TIMM21: variants seen among roughly 807,000 people sequenced by gnomAD.
TIMM21 encodes mitochondrial import inner membrane translocase subunit Tim21.
TIMM21 carries 30 observed loss-of-function variants against 27.7 expected under a neutral mutation model. The ratio of observed to expected loss-of-function variants is 1.08; its 90% CI spans 0.81 to 1.47. The LOEUF (loss-of-function observed/expected upper bound fraction) is 1.47, where lower values mean the gene tolerates loss of function less well. TIMM21 is among the 40% of genes most tolerant of loss of function. The pLI is 0.00. For synonymous variants in TIMM21, 121 were observed against 114.4 expected (o/e 1.06, Z -0.37); for missense variants, 292 against 302.9 (o/e 0.96, Z 0.27).
At position 74,151,937 on chromosome 18, in the gene TIMM21, T is replaced by TCCCCCC. The variant is rs535525190; in HGVS notation, c.301+2835_301+2840dup. On this transcript the variant is annotated intron_variant, in intron 1 of 5. Transcript: ENST00000169551. ...CCTTAAGAAGCAGTGGTGTCTATGT[T>TCCCCCC]CCCCCCCCCCCCGGGGGGACCTCCA... Among the ~76,000 whole-genome samples the TCCCCCC allele has an allele frequency of 2.8e-4, 26 of 94,284 alleles. 5 individuals carry two copies. Among genetic ancestry groups the TCCCCCC allele is most frequent in the African/African-American group, 1.4e-3 (23 of 16,872 alleles). The allele number at this position is 94,284 out of a possible 152,430, so 61.9% of individuals were successfully genotyped here.
rs1568192826 is a variant in TIMM21, at chr18:74,158,467, C to G, written c.734C>G (p.Ser245Cys). Residue 245 changes from serine to cysteine, a missense_variant, in exon 6 of 6, where the codon TCC (serine) becomes TGC (cysteine). By Grantham distance (112) the Ser-to-Cys change is moderately radical (BLOSUM62 -1). Coordinates refer to ENST00000169551, the MANE Select transcript of TIMM21 (RefSeq NM_014177.3). ...ACTATTATCATTGAAGATAATCGAT[C>G]CCAAGATGATTAAAATAGGGTTTCT... ...RRTIIIEDNR[S>C]QDD 1 of 1,505,914 alleles carries G rather than the reference C, an allele frequency of 6.6e-7. No homozygotes were observed. The highest frequency in any genetic ancestry group is 1.9e-5 in the Admixed American group (1 of 52,826). 93.3% of individuals were successfully genotyped at this position (1,505,914 alleles called of 1,614,324 possible). A position where few individuals can be genotyped will look rare whatever the true frequency, so the allele number is the denominator to read the frequency against.
In TIMM21 at chr18:74,158,798, A is replaced by G. The variant is rs542805899; in HGVS notation, c.*318A>G. On this transcript the variant is annotated 3_prime_UTR_variant, in exon 6 of 6. Coordinates refer to ENST00000169551, the MANE Select transcript of TIMM21 (RefSeq NM_014177.3). ...GGAAATAGATTTTAGTATTGTATTC[A>G]TTTTATATTATAGAACTGCATAATG... 4 of 263,230 alleles carry G rather than the reference A, an allele frequency of 1.5e-5. No individual in the cohort carries two copies. The highest frequency in any genetic ancestry group is 1.0e-4 in the Admixed American group (2 of 19,184). 16.3% of individuals were successfully genotyped at this position (263,230 alleles called of 1,614,324 possible).
chr18:74,157,391 CTG>C (rs1162019930), intron 3 of TIMM21: 3 of 152,324 alleles, frequency 2.0e-5, no homozygotes, highest in African/African-American at 2.4e-5. Context: ...CATCTGAACT[CTG>C]TGTTGTTATG....
chr18:74,158,700 A>ATAT lies in TIMM21; in HGVS notation c.*222_*224dup. 2.3e-6 allele frequency: 1 copy of ATAT among 436,972 alleles called. No homozygotes were observed. Among genetic ancestry groups the ATAT allele is most frequent in the Non-Finnish European group, 4.1e-6 (1 of 243,718 alleles). The allele number at this position is 436,972 out of a possible 1,614,324, so 27.1% of individuals were successfully genotyped here. ...TTCTCCCATTGACTCAATCATGACA[A>ATAT]TATTTCTGCTTTAACACCATCTTTC... On this transcript the variant is annotated 3_prime_UTR_variant, in exon 6 of 6. Coordinates refer to ENST00000169551, the MANE Select transcript of TIMM21 (RefSeq NM_014177.3).
At chr18:74,150,796 G>C (rs1004171119) in intron 1 of TIMM21, among the ~76,000 whole-genome samples, 1 of 152,166 alleles carries the variant, frequency 6.6e-6, no homozygotes, top group South Asian at 2.1e-4. Flanking sequence ...ACAAGGGACC[G>C]TGATGGGGAT....
chr18:74,150,903 C>T (rs76884109), intron 1 of TIMM21, among the ~76,000 whole-genome samples: 7,555 of 152,256 alleles, frequency 0.05, 265 homozygotes, highest in East Asian at 0.12. Context: ...GAAAGGGCAG[C>T]TTCAGGGGCT....
intron 1 of TIMM21, among the ~76,000 whole-genome samples, chr18:74,154,298 T>G (rs190087755): frequency 2.0e-5 from 3 of 151,010 alleles, no homozygotes; most frequent in East Asian, 2.0e-4. Flanking sequence ...GTCTCGCTCT[T>G]TCGCCCAGGC....
At chr18:74,149,469 GTAATAGAAA>G (rs1979729743) in intron 1 of TIMM21, among the ~76,000 whole-genome samples, 1 of 152,032 alleles carries the variant, frequency 6.6e-6, no homozygotes, top group African/African-American at 2.4e-5. Flanking sequence ...GTTACCTGCA[GTAATAGAAA>G]AACATAAAAT....
At position 74,159,396 on chromosome 18, in the gene TIMM21, A is replaced by T. The variant is rs1458678433; in HGVS notation, c.*916A>T. On this transcript the variant is annotated 3_prime_UTR_variant, in exon 6 of 6. Transcript: ENST00000169551. Reference sequence around the variant, plus strand: ...CCATATCTATGTAAGTGCTATGTGCATTGGGAGGGGTCTAGAACCATGTTT... The same window carrying T: ...CCATATCTATGTAAGTGCTATGTGCTTTGGGAGGGGTCTAGAACCATGTTT... 2 of 151,642 alleles carry T rather than the reference A, an allele frequency of 1.3e-5. No individual in the cohort carries two copies. The allele number at this position is 151,642 out of a possible 1,614,324, so 9.4% of individuals were successfully genotyped here. A position where few individuals can be genotyped will look rare whatever the true frequency, so the allele number is the denominator to read the frequency against.
intron 1 of TIMM21, 76 bp downstream of exon 1, chr18:74,149,185 C>T: frequency 6.7e-7 from 1 of 1,488,652 alleles, no homozygotes; most frequent in East Asian, 2.3e-5. Context: ...ATACCAAGTT[C>T]ACTGCTAAAG....
rs535525190 is a variant in TIMM21, at chr18:74,151,937, T to TCCCC, written c.301+2837_301+2840dup. On this transcript the variant is annotated intron_variant, in intron 1 of 5. Coordinates refer to ENST00000169551, the MANE Select transcript of TIMM21 (RefSeq NM_014177.3). ...CCTTAAGAAGCAGTGGTGTCTATGT[T>TCCCC]CCCCCCCCCCCCGGGGGGACCTCCA... Among the ~76,000 whole-genome samples, 425 of 94,142 alleles carry TCCCC rather than the reference T, an allele frequency of 4.5e-3. 47 individuals carry two copies. Among genetic ancestry groups the TCCCC allele is most frequent in the African/African-American group, 0.018 (298 of 16,792 alleles). The allele number at this position is 94,142 out of a possible 152,430, so 61.8% of individuals were successfully genotyped here.
At position 74,159,601 on chromosome 18, in the gene TIMM21, C is replaced by A. The variant is rs1980050325; in HGVS notation, c.*1121C>A. On this transcript the variant is annotated 3_prime_UTR_variant, in exon 6 of 6. Coordinates refer to ENST00000169551, the MANE Select transcript of TIMM21 (RefSeq NM_014177.3). ...TCTCCCTGCTTAATTTAGTTAGTTT[C>A]TTGGTTTGACTGCTTGTTTTAGATG... 6.6e-6 allele frequency: 1 copy of A among 152,092 alleles called. No individual in the cohort carries two copies. 9.4% of individuals were successfully genotyped at this position (152,092 alleles called of 1,614,324 possible).
chr18:74,150,629 A>G (rs926213265), intron 1 of TIMM21, among the ~76,000 whole-genome samples: 1 of 152,190 alleles, frequency 6.6e-6, no homozygotes, highest in Non-Finnish European at 1.5e-5. Context: ...CTTCAAAGCA[A>G]TGGCCAATAC....
At chr18:74,149,975 T>C (rs941137607) in intron 1 of TIMM21, among the ~76,000 whole-genome samples, 1 of 152,148 alleles carries the variant, frequency 6.6e-6, no homozygotes, top group African/African-American at 2.4e-5. Flanking sequence ...CATTCCCAAA[T>C]ATGGAATATG....
rs770451974 is a variant in TIMM21 at position 74,149,095 on chromosome 18, C to T, written c.287C>T (p.Pro96Leu). The T allele has an allele frequency of 6.2e-7, 1 of 1,608,454 alleles. No homozygotes were observed. The highest frequency in any genetic ancestry group is 8.5e-7 in the Non-Finnish European group (1 of 1,176,534). ...AGTCAGAGAGGGGGAACCGCCGTCC[C>T]AACATCACAAAAAGGTAAAAAGGAG... is the stretch of plus-strand genomic sequence containing the variant. ...HRSQRGGTAV[P>L]TSQKVKEAGR... Residue 96 changes from proline to leucine, a missense_variant, in exon 1 of 6, where the codon CCA becomes CTA. Physicochemically the swap from Pro to Leu is moderately conservative, Grantham distance 98 (BLOSUM62 -3). Transcript: ENST00000169551.
intron 1 of TIMM21, among the ~76,000 whole-genome samples, chr18:74,149,588 G>GA (rs111793268): frequency 0.021 from 3,194 of 149,598 alleles, 111 homozygotes; most frequent in African/African-American, 0.069. Flanking sequence ...TGATTTGTAG[G>GA]AAAAAAAAAG....
chr18:74,151,222 G>T (rs940131407), intron 1 of TIMM21, among the ~76,000 whole-genome samples: 1 of 152,168 alleles, frequency 6.6e-6, no homozygotes, highest in East Asian at 1.9e-4. Context: ...CTTTCCTTCA[G>T]TAAATGCGTT....
rs1446943592 is a variant in TIMM21, at chr18:74,152,385, C to T, written c.302-2760C>T. On this transcript the variant is annotated intron_variant, in intron 1 of 5. Coordinates refer to ENST00000169551, the MANE Select transcript of TIMM21 (RefSeq NM_014177.3). This position sits in a 1 kb window ranked among gnomAD's most constrained non-coding sequence, Gnocchi z 4.1. ...GAGTCTTGTTCTGCCGGGGAGGAGG[C>T]TCCTGCCCTTGGCACTCACCTTCAC... Among the ~76,000 whole-genome samples the T allele has an allele frequency of 6.6e-6, 1 of 152,278 alleles. No individual in the cohort carries two copies.
In TIMM21 at chr18:74,151,937, T is replaced by TCTCCCCC. The variant is rs1555682293; in HGVS notation, c.301+2829_301+2830insTCCCCCC. Among the ~76,000 whole-genome samples the TCTCCCCC allele has an allele frequency of 3.3e-4, 31 of 94,288 alleles. 1 individual carries two copies. The highest frequency in any genetic ancestry group is 1.7e-3 in the African/African-American group (28 of 16,874). The allele number at this position is 94,288 out of a possible 152,430, so 61.9% of individuals were successfully genotyped here. On this transcript the variant is annotated intron_variant, in intron 1 of 5. Coordinates refer to ENST00000169551, the MANE Select transcript of TIMM21 (RefSeq NM_014177.3). ...CCTTAAGAAGCAGTGGTGTCTATGT[T>TCTCCCCC]CCCCCCCCCCCCGGGGGGACCTCCA...
Sources: gnomAD v4.1 joint callset for allele counts (sites outside exome capture counted in the v4.1 genomes callset) on GRCh38, gnomAD v4.1.1 for gene constraint, Gnocchi (gnomAD v3.1) non-coding constraint, MANE v1.5 for transcripts, NCBI Gene and HGNC (gene_info 2026-07-23, HGNC 2026-07-21) for gene names.